The following OTUD7A variants were observed in gnomAD, a reference collection of about 807,000 sequenced individuals.
OTUD7A encodes OTU domain-containing protein 7A.
Under a neutral mutation model 65.7 loss-of-function variants are expected in OTUD7A, and 12 were observed. The observed-to-expected ratio is 0.18, with a 90% CI of 0.12 to 0.30. The LOEUF (loss-of-function observed/expected upper bound fraction) is 0.30. Ranked by LOEUF, OTUD7A falls within the 10% of genes least tolerant of loss-of-function variation. The pLI, the probability that OTUD7A is intolerant of heterozygous loss-of-function variation, is 1.00. For missense variants in OTUD7A, 1,148 were observed against 1,304.8 expected (o/e 0.88, Z 1.85); for synonymous variants, 641 against 586.3 (o/e 1.09, Z -1.35).
intron 8 of OTUD7A, among the ~76,000 whole-genome samples, chr15:31,508,136 A>G: frequency 6.6e-6 from 1 of 152,230 alleles, no homozygotes; most frequent in East Asian, 1.9e-4. Flanking sequence ...AAGGAAAGGA[A>G]AGGAAGTAAT....
chr15:31,867,877 C>T (rs1466853273), intron 1 of OTUD7A, among the ~76,000 whole-genome samples: 8 of 151,056 alleles, frequency 5.3e-5, no homozygotes, highest in Non-Finnish European at 1.2e-4. Flanking sequence ...AAGTTTCCAT[C>T]TCTTGGAAGA....
intron 8 of OTUD7A, among the ~76,000 whole-genome samples, chr15:31,509,845 A>G (rs1213794827): frequency 6.7e-6 from 1 of 149,822 alleles, no homozygotes; most frequent in Non-Finnish European, 1.5e-5. Context: ...CTTTTACATT[A>G]TTTCTTTTCC....
intron 3 of OTUD7A, among the ~76,000 whole-genome samples, chr15:31,584,203 C>A (rs1423274574): frequency 1.3e-5 from 2 of 152,210 alleles, no homozygotes; most frequent in African/African-American, 2.4e-5. Context: ...CTTTAAGGAA[C>A]CTCTTAGCTC....
At chr15:31,765,213 A>G (rs1408958345) in intron 1 of OTUD7A, among the ~76,000 whole-genome samples, 2 of 152,108 alleles carry the variant, frequency 1.3e-5, no homozygotes, top group African/African-American at 4.8e-5. Flanking sequence ...TAAAATATAT[A>G]CATATTTTAA....
intron 10 of OTUD7A, among the ~76,000 whole-genome samples, chr15:31,488,348 AG>A (rs1259501959): frequency 6.6e-6 from 1 of 152,190 alleles, no homozygotes; most frequent in Non-Finnish European, 1.5e-5. Context: ...GGCTCACTCC[AG>A]AAGGGCTAGG....
intron 1 of OTUD7A, among the ~76,000 whole-genome samples, chr15:31,714,758 G>GT (rs1893540436): frequency 6.6e-6 from 1 of 152,262 alleles, no homozygotes; most frequent in South Asian, 2.1e-4. Flanking sequence ...AGTTCATTTA[G>GT]TTTAAGTATT....
At chr15:31,656,929 C>G (rs1221317867) in intron 2 of OTUD7A, 54 bp downstream of exon 2, 1 of 152,694 alleles carries the variant, frequency 6.5e-6, no homozygotes, top group African/African-American at 2.4e-5. Context: ...CACACAGCTC[C>G]TATTGGGTAC....
At chr15:31,594,758 G>A (rs1466126005) in intron 3 of OTUD7A, among the ~76,000 whole-genome samples, 5 of 152,202 alleles carry the variant, frequency 3.3e-5, no homozygotes, top group Non-Finnish European at 5.9e-5. Flanking sequence ...GCTCTTCCCA[G>A]GTTGCCTGGT....
chr15:31,846,095 CCTGCT>C lies in OTUD7A; in HGVS notation c.-100+24407_-100+24411del, dbSNP rs1897287962. On this transcript the variant is annotated intron_variant, in intron 1 of 12. Coordinates refer to ENST00000307050, the MANE Select transcript of OTUD7A (RefSeq NM_001382637.1). ...CTTCAAGCCCCTGCAACTCCACAGC[CCTGCT>C]CTGCTCACCTTTGTCCTTCAGACTC... is the stretch of plus-strand genomic sequence containing the variant. Among the ~76,000 whole-genome samples, 3 of 152,244 alleles carry C rather than the reference CCTGCT, an allele frequency of 2.0e-5. No individual in the cohort carries two copies. The East Asian group carries it at 5.8e-4, about 29-fold the overall frequency.
intron 1 of OTUD7A, among the ~76,000 whole-genome samples, chr15:31,835,813 CAT>C (rs1897042792): frequency 6.6e-6 from 1 of 151,958 alleles, no homozygotes; most frequent in Non-Finnish European, 1.5e-5. Context: ...CATATGTAAA[CAT>C]ACACACACAG....
intron 3 of OTUD7A, among the ~76,000 whole-genome samples, chr15:31,595,432 T>C (rs1027779215): frequency 6.6e-5 from 10 of 152,242 alleles, no homozygotes; most frequent in Non-Finnish European, 1.0e-4. Context: ...AATTTGTACA[T>C]GGTAGAATGA....
intron 5 of OTUD7A, among the ~76,000 whole-genome samples, chr15:31,535,950 G>C (rs574907070): frequency 6.6e-6 from 1 of 152,184 alleles, no homozygotes; most frequent in South Asian, 2.1e-4. Context: ...AAAGTGCTGG[G>C]ATTACAGGTG....
At chr15:31,669,566 T>C (rs1308153581) in intron 1 of OTUD7A, among the ~76,000 whole-genome samples, 2 of 152,198 alleles carry the variant, frequency 1.3e-5, no homozygotes, top group Non-Finnish European at 2.9e-5. Flanking sequence ...TGCCCCAGGT[T>C]ACCTGCTTCC....
At chr15:31,489,043 A>G (rs900041504) in intron 10 of OTUD7A, among the ~76,000 whole-genome samples, 1 of 152,210 alleles carries the variant, frequency 6.6e-6, no homozygotes, top group Non-Finnish European at 1.5e-5. Context: ...AGACACACCC[A>G]GGGAGGGCTG....
chr15:31,724,604 C>A (rs1893832980), intron 1 of OTUD7A, among the ~76,000 whole-genome samples: 1 of 152,268 alleles, frequency 6.6e-6, no homozygotes, highest in Admixed American at 6.5e-5. Flanking sequence ...GGGATTGTTT[C>A]TGCTACTCAC....
At chr15:31,509,356 G>A (rs143181830) in intron 8 of OTUD7A, among the ~76,000 whole-genome samples, 2,154 of 151,908 alleles carry the variant, frequency 0.014, 53 homozygotes, top group African/African-American at 0.05. Context: ...TCAGCTCACC[G>A]CAAATTCCAC....
intron 10 of OTUD7A, among the ~76,000 whole-genome samples, chr15:31,490,860 C>G (rs2041309079): frequency 6.6e-6 from 1 of 152,000 alleles, no homozygotes; most frequent in Non-Finnish European, 1.5e-5. Flanking sequence ...TGTAGGGCAA[C>G]AAACACTGGG....
chr15:31,835,091 A>G (rs1897022742), intron 1 of OTUD7A, among the ~76,000 whole-genome samples: 1 of 152,174 alleles, frequency 6.6e-6, no homozygotes, highest in African/African-American at 2.4e-5. Flanking sequence ...ATCTGCCAGG[A>G]AAAGATGACT....
intron 1 of OTUD7A, among the ~76,000 whole-genome samples, chr15:31,725,080 T>C (rs1281038788): frequency 6.6e-6 from 1 of 152,076 alleles, no homozygotes; most frequent in Non-Finnish European, 1.5e-5. Flanking sequence ...AGACACAAAA[T>C]GAGCCCAGAG....
Sources: gnomAD v4.1 joint callset for allele counts (sites outside exome capture counted in the v4.1 genomes callset) on GRCh38, gnomAD v4.1.1 for gene constraint, MANE v1.5 for transcripts, NCBI Gene and HGNC (gene_info 2026-07-23, HGNC 2026-07-21) for gene names.